The following CTNND2 variants were observed in gnomAD, a reference collection of about 807,000 sequenced individuals.
The protein encoded by CTNND2 is catenin delta 2.
CTNND2 carries 22 observed loss-of-function variants against 144.4 expected under a neutral mutation model. The ratio of observed to expected loss-of-function variants is 0.15; its 90% CI spans 0.11 to 0.22. CTNND2 has a LOEUF of 0.22. CTNND2 is among the 10% of genes least tolerant of loss of function. CTNND2 has a pLI of 1.00. For missense variants in CTNND2, 1,353 were observed against 1,618.8 expected, an observed-to-expected ratio of 0.84 and a Z score of 2.82; for synonymous variants, 751 against 695.6, an observed-to-expected ratio of 1.08 and a Z score of -1.25.
At chr5:11,479,482 T>C (rs1273915906) in intron 3 of CTNND2, among the ~76,000 whole-genome samples, 4 of 152,220 alleles carry the variant, frequency 2.6e-5, no homozygotes, top group Admixed American at 6.5e-5. Context: ...ATCTTTATGA[T>C]AGAACAATTT....
chr5:11,512,504 G>A (rs1336170478), intron 3 of CTNND2, among the ~76,000 whole-genome samples: 1 of 152,110 alleles, frequency 6.6e-6, no homozygotes, highest in Non-Finnish European at 1.5e-5. Context: ...AACTGTAAAG[G>A]GCAACCTGCC....
intron 11 of CTNND2, among the ~76,000 whole-genome samples, chr5:11,191,125 C>G (rs1484343011): frequency 6.6e-6 from 1 of 152,178 alleles, no homozygotes; most frequent in East Asian, 1.9e-4. Flanking sequence ...CAAGCAGAGA[C>G]AGTGGCCTGC....
intron 2 of CTNND2, among the ~76,000 whole-genome samples, chr5:11,651,161 C>T (rs923924726): frequency 3.9e-5 from 6 of 152,120 alleles, no homozygotes; most frequent in Non-Finnish European, 7.4e-5. Flanking sequence ...CCACTCTGTG[C>T]GACCTCAGGA....
At chr5:11,532,191 T>A (rs894583357) in intron 3 of CTNND2, among the ~76,000 whole-genome samples, 2 of 152,096 alleles carry the variant, frequency 1.3e-5, no homozygotes, top group African/African-American at 2.4e-5. Flanking sequence ...GCCACTGTAG[T>A]CTTGGTTGTG....
At chr5:11,050,444 A>G (rs1745717158) in intron 16 of CTNND2, among the ~76,000 whole-genome samples, 1 of 152,228 alleles carries the variant, frequency 6.6e-6, no homozygotes, top group African/African-American at 2.4e-5. Flanking sequence ...CTAATAATAG[A>G]TAATTTTCTC....
At chr5:11,225,296 C>T (rs1740212092) in intron 10 of CTNND2, among the ~76,000 whole-genome samples, 1 of 152,192 alleles carries the variant, frequency 6.6e-6, no homozygotes, top group Non-Finnish European at 1.5e-5. Flanking sequence ...TCTGAGCTTC[C>T]TTTTGGTTTT....
intron 9 of CTNND2, among the ~76,000 whole-genome samples, chr5:11,290,901 G>C (rs1748270910): frequency 6.6e-6 from 1 of 152,170 alleles, no homozygotes; most frequent in African/African-American, 2.4e-5. Context: ...ACACGTGCTG[G>C]CAGCTGGCTT....
At chr5:11,086,215 C>G (rs1750121105) in intron 15 of CTNND2, among the ~76,000 whole-genome samples, 1 of 152,094 alleles carries the variant, frequency 6.6e-6, no homozygotes, top group Non-Finnish European at 1.5e-5. Context: ...GGTTGGATTT[C>G]AGGGGAGCTC....
At chr5:11,439,683 G>GT (rs1561395898) in intron 3 of CTNND2, among the ~76,000 whole-genome samples, 1 of 151,868 alleles carries the variant, frequency 6.6e-6, no homozygotes, top group African/African-American at 2.4e-5. Flanking sequence ...CAAAACTATG[G>GT]TTTTGGCCCA....
At chr5:11,011,618 G>A (rs1457497791) in intron 18 of CTNND2, among the ~76,000 whole-genome samples, 1 of 152,184 alleles carries the variant, frequency 6.6e-6, no homozygotes, top group Non-Finnish European at 1.5e-5. Flanking sequence ...AGGACCATAA[G>A]CTGAACATTG....
intron 3 of CTNND2, among the ~76,000 whole-genome samples, chr5:11,470,524 G>A (rs760001302): frequency 1.3e-5 from 2 of 152,020 alleles, no homozygotes; most frequent in South Asian, 2.1e-4. Context: ...ATATTAATAC[G>A]GCTCATTTGT....
chr5:11,420,651 T>C (rs547441121), intron 3 of CTNND2, among the ~76,000 whole-genome samples: 1 of 152,274 alleles, frequency 6.6e-6, no homozygotes, highest in East Asian at 1.9e-4. Context: ...ATAACTCCAC[T>C]CTCCGCAGAA....
rs555476619 is a variant in CTNND2, at chr5:11,105,358, G to A, written c.2463+5500C>T. Reference sequence around the variant, plus strand: ...CCAGGGCAATTTTAACACCCAGGGGGACAAGCGGCAATGTCTGGGGACATT... The same window carrying A: ...CCAGGGCAATTTTAACACCCAGGGGAACAAGCGGCAATGTCTGGGGACATT... On this transcript the variant is annotated intron_variant, in intron 14 of 21. Transcript: ENST00000304623. 3.9e-5 allele frequency among the ~76,000 whole-genome samples: 6 copies of A among 152,306 alleles called. No homozygotes were observed. The South Asian group carries it at 1.2e-3, about 32-fold the overall frequency.
At chr5:11,559,189 G>T (rs866189915) in intron 3 of CTNND2, among the ~76,000 whole-genome samples, 1 of 152,156 alleles carries the variant, frequency 6.6e-6, no homozygotes, top group African/African-American at 2.4e-5. Flanking sequence ...GTGGAAGACA[G>T]ACAGATAGGA....
chr5:11,166,249 CTTT>C (rs11400471), intron 11 of CTNND2, among the ~76,000 whole-genome samples: 5 of 125,850 alleles, frequency 4.0e-5, no homozygotes, highest in Admixed American at 7.9e-5. Context: ...CAAAAAAGTT[CTTT>C]TTTTTTTTTT....
At chr5:11,498,271 A>C (rs1432730700) in intron 3 of CTNND2, among the ~76,000 whole-genome samples, 11 of 152,100 alleles carry the variant, frequency 7.2e-5, no homozygotes, top group Admixed American at 6.6e-5. Flanking sequence ...ATGCATTTGC[A>C]AACAAGCACA....
intron 16 of CTNND2, among the ~76,000 whole-genome samples, chr5:11,042,997 C>CA (rs1478679179): frequency 2.6e-5 from 4 of 152,002 alleles, no homozygotes; most frequent in Admixed American, 2.0e-4. Context: ...TATCCTTTCT[C>CA]AAAAAATACT....
At chr5:11,181,451 G>A (rs1760985804) in intron 11 of CTNND2, among the ~76,000 whole-genome samples, 1 of 152,170 alleles carries the variant, frequency 6.6e-6, no homozygotes, top group Non-Finnish European at 1.5e-5. Flanking sequence ...GAGCACACAG[G>A]CTGTGCCCCG....
At chr5:11,595,153 C>T (rs768981719) in intron 2 of CTNND2, among the ~76,000 whole-genome samples, 2 of 152,048 alleles carry the variant, frequency 1.3e-5, no homozygotes, top group Non-Finnish European at 2.9e-5. Flanking sequence ...CAGCAGTTAT[C>T]GCTGCTGAAA....
Sources: gnomAD v4.1 joint callset for allele counts (sites outside exome capture counted in the v4.1 genomes callset) on GRCh38, gnomAD v4.1.1 for gene constraint, MANE v1.5 for transcripts, NCBI Gene and HGNC (gene_info 2026-07-23, HGNC 2026-07-21) for gene names.